The following SPTB variants were observed in gnomAD, a reference collection of about 807,000 sequenced individuals.
SPTB encodes spectrin beta, erythrocytic, also known as spectrin beta chain, erythrocytic.
Under a neutral mutation model 256.2 loss-of-function variants are expected in SPTB, and 45 were observed. The observed-to-expected ratio is 0.18, with a 90% confidence interval of 0.14 to 0.23. The LOEUF is 0.23. SPTB is among the 10% of genes least tolerant of loss of function. The probability of loss-of-function intolerance (pLI) is 1.00; values close to 1 mark genes in which losing one functional copy is unlikely to be tolerated. For synonymous variants in SPTB, 1,231 were observed against 1,243.1 expected, an observed-to-expected ratio of 0.99 and a Z score of 0.21; for missense variants, 2,715 against 3,040.4, an observed-to-expected ratio of 0.89 and a Z score of 2.52.
intron 1 of SPTB, among the ~76,000 whole-genome samples, chr14:64,848,989 C>G (rs185219758): frequency 2.7e-4 from 41 of 152,332 alleles, no homozygotes; most frequent in Middle Eastern, 3.4e-3. Context: ...TCATATGGAT[C>G]ATAATCCCTT....
intron 1 of SPTB, among the ~76,000 whole-genome samples, chr14:64,834,771 C>A (rs2083497568): frequency 6.8e-6 from 1 of 147,454 alleles, no homozygotes; most frequent in South Asian, 2.2e-4. Context: ...TTTGACTCAA[C>A]CCATGCCTCA....
intron 1 of SPTB, among the ~76,000 whole-genome samples, chr14:64,856,399 TA>T (rs2083873659): frequency 6.6e-6 from 1 of 152,182 alleles, no homozygotes; most frequent in Non-Finnish European, 1.5e-5. Context: ...TCCATGAGAC[TA>T]TCCACATTCT....
intron 2 of SPTB, among the ~76,000 whole-genome samples, chr14:64,812,275 T>C (rs952184142): frequency 6.6e-6 from 1 of 152,192 alleles, no homozygotes; most frequent in Non-Finnish European, 1.5e-5. Context: ...ATGTTTTTAT[T>C]TTCTTCCTTT....
rs779252475 is a variant in SPTB at position 64,778,341 on chromosome 14, G to A, written c.4563+816C>T. Among the ~76,000 whole-genome samples, 1 of 152,084 alleles carries A rather than the reference G, an allele frequency of 6.6e-6. No homozygotes were observed. Among genetic ancestry groups the A allele is most frequent in the Admixed American group, 6.5e-5 (1 of 15,272 alleles). On this transcript the variant is annotated intron_variant, in intron 22 of 35. Transcript: ENST00000644917. The surrounding 1 kb of genome is among the most constrained non-coding windows in gnomAD (Gnocchi z 5.2). The stretch of plus-strand genomic sequence containing the variant: ...TCCTCAAGGAGCTGCAATACTAACC[G>A]GGCACTCTGGGACATGTCACTTTTA...
In SPTB at chr14:64,759,880, G is replaced by A. The variant is rs1486014057; in HGVS notation, c.6346-6087C>T. Among the ~76,000 whole-genome samples the A allele has an allele frequency of 3.9e-5, 6 of 152,240 alleles. No individual in the cohort carries two copies. Among genetic ancestry groups the A allele is most frequent in the Admixed American group, 3.9e-4 (6 of 15,282 alleles). On this transcript the variant is annotated intron_variant, in intron 32 of 35. Transcript: ENST00000644917. The surrounding 1 kb of genome is among the most constrained non-coding windows in gnomAD (Gnocchi z 4.8). ...AAGGGAGTCTAGACCATAAATGGAG[G>A]TGAAGGAGAATTGCAGAGTGGGCTG... is the stretch of plus-strand genomic sequence containing the variant.
chr14:64,752,764 C>A lies in SPTB; in HGVS notation c.6602+773G>T, dbSNP rs575377798. The stretch of plus-strand genomic sequence containing the variant: ...GGAATTTGGAATCCCTTTCGTGAGT[C>A]CCCCAGACACATCCTGCATGCTCAT... On this transcript the variant is annotated intron_variant, in intron 33 of 35. Transcript: ENST00000644917. 1.4e-3 allele frequency among the ~76,000 whole-genome samples: 208 copies of A among 152,272 alleles called. 1 individual carries two copies. Among genetic ancestry groups the A allele is most frequent in the African/African-American group, 4.6e-3 (192 of 41,552 alleles).
At position 64,779,142 on chromosome 14, in the gene SPTB, T is replaced by C. The variant is rs1279293413; in HGVS notation, c.4563+15A>G. ...GGAGGGGTGGGTGGGGCTGGTGAGGTGACGCAGGACTCACCTGGTTCTTCT... is the reference window on the plus strand; with the variant it reads ...GGAGGGGTGGGTGGGGCTGGTGAGGCGACGCAGGACTCACCTGGTTCTTCT... On this transcript the variant is annotated intron_variant, in intron 22 of 35. Transcript: ENST00000644917. This position sits in a 1 kb window ranked among gnomAD's most constrained non-coding sequence, Gnocchi z 4.2. The C allele has an allele frequency of 6.2e-7, 1 of 1,610,462 alleles. No homozygotes were observed. Among genetic ancestry groups the C allele is most frequent in the African/African-American group, 1.3e-5 (1 of 74,630 alleles).
In SPTB at chr14:64,801,379, A is replaced by C. The variant is rs2082882598; in HGVS notation, c.669T>G (p.Asp223Glu). ...GCCGGGCATTGGAGTCCTTCAGCTT[A>C]TCAAAGTCGATCAGGTCGGGCCTGG... ...HKHRPDLIDF[D>E]KLKDSNARHN... Residue 223 changes from aspartate to glutamate, a missense_variant, in exon 7 of 36, where the codon GAT becomes GAG. By Grantham distance (45) the Asp-to-Glu change is conservative. Around this residue, in one of 4 missense-constraint regions of SPTB, gnomAD observed 416 missense variants for 571.1 expected, o/e 0.73. Coordinates refer to ENST00000644917, the MANE Select transcript of SPTB (RefSeq NM_001355436.2). The C allele has an allele frequency of 6.2e-7, 1 of 1,614,202 alleles. No individual in the cohort carries two copies. Among genetic ancestry groups the C allele is most frequent in the African/African-American group, 1.3e-5 (1 of 75,068 alleles).
intron 1 of SPTB, among the ~76,000 whole-genome samples, chr14:64,878,910 G>A (rs1409884306): frequency 2.0e-5 from 3 of 152,162 alleles, no homozygotes; most frequent in Non-Finnish European, 4.4e-5. Flanking sequence ...TTAATAGGCT[G>A]TAACTCAAGG....
At chr14:64,794,705 T>C in intron 12 of SPTB, 88 bp from the exon 13 acceptor site, 2 of 1,564,482 alleles carry the variant, frequency 1.3e-6, no homozygotes, top group Admixed American at 3.4e-5. Flanking sequence ...GGCATGTCTC[T>C]AGTAATCTGA....
intron 2 of SPTB, among the ~76,000 whole-genome samples, chr14:64,820,796 G>A (rs1157261476): frequency 6.6e-6 from 1 of 152,048 alleles, no homozygotes; most frequent in Non-Finnish European, 1.5e-5. Context: ...TCAGCTTCTT[G>A]AGTAGCTGGG....
Position 64,769,577 on chromosome 14 carries a change from G to A in SPTB, c.5937+13C>T, listed in dbSNP as rs749990745. 1 of 1,613,636 alleles carries A rather than the reference G, an allele frequency of 6.2e-7. No homozygotes were observed. Among genetic ancestry groups the A allele is most frequent in the Non-Finnish European group, 8.5e-7 (1 of 1,179,990 alleles). On this transcript the variant is annotated intron_variant, in intron 28 of 35. Coordinates refer to ENST00000644917, the MANE Select transcript of SPTB (RefSeq NM_001355436.2). ...GACGGAGGAGCTCGCCTCCATCCTTGCAGTCCCCTCACCTCCTCTGAGGCC... is the reference window on the plus strand; with the variant it reads ...GACGGAGGAGCTCGCCTCCATCCTTACAGTCCCCTCACCTCCTCTGAGGCC...
At chr14:64,767,591 G>A (rs1292949225) in intron 30 of SPTB, 72 bp downstream of exon 30, 1 of 1,576,990 alleles carries the variant, frequency 6.3e-7, no homozygotes, top group East Asian at 2.2e-5. Context: ...AACTGGCCTG[G>A]AGTCCTTACA....
chr14:64,829,623 A>T (rs1400994494), intron 1 of SPTB, among the ~76,000 whole-genome samples: 1 of 152,220 alleles, frequency 6.6e-6, no homozygotes, highest in East Asian at 1.9e-4. Context: ...GCTTCAGCAA[A>T]ATAAGAAGCA....
In SPTB at chr14:64,852,526, T is replaced by C. The variant is rs944408054; in HGVS notation, c.-52+27266A>G. On this transcript the variant is annotated intron_variant, in intron 1 of 35. Transcript: ENST00000644917. This position sits in a 1 kb window ranked among gnomAD's most constrained non-coding sequence, Gnocchi z 4.2. ...ACAAGATTACAGGCAGGGAACTGATTAGGATGTCACTGCAGTAACTGAGAC... is the reference window on the plus strand; with the variant it reads ...ACAAGATTACAGGCAGGGAACTGATCAGGATGTCACTGCAGTAACTGAGAC... Among the ~76,000 whole-genome samples, 6 of 152,098 alleles carry C rather than the reference T, an allele frequency of 3.9e-5. No homozygotes were observed. Among genetic ancestry groups the C allele is most frequent in the African/African-American group, 1.2e-4 (5 of 41,402 alleles).
intron 15 of SPTB, 31 bp downstream of exon 15, chr14:64,791,688 G>GCC (rs764585050): frequency 6.2e-7 from 1 of 1,609,566 alleles, no homozygotes; most frequent in Non-Finnish European, 8.5e-7. Flanking sequence ...GAGAGACAAT[G>GCC]CCCCCGCCCC....
At chr14:64,813,294 T>G (rs1012150473) in intron 2 of SPTB, among the ~76,000 whole-genome samples, 31 of 152,296 alleles carry the variant, frequency 2.0e-4, no homozygotes, top group African/African-American at 7.5e-4. Flanking sequence ...GAAGTCTGCA[T>G]TTTCAGTCGC....
In SPTB at chr14:64,760,794, A is replaced by G. The variant is rs1264794816; in HGVS notation, c.6345+5932T>C. On this transcript the variant is annotated intron_variant, in intron 32 of 35. Transcript: ENST00000644917. This position sits in a 1 kb window ranked among gnomAD's most constrained non-coding sequence, Gnocchi z 4.3. ...TACTGTTATTACACCTGTGTTACAA[A>G]TGAGGGAAACTGGGGGTCGTACAGA... Among the ~76,000 whole-genome samples the G allele has an allele frequency of 6.6e-6, 1 of 152,186 alleles. No homozygotes were observed. Among genetic ancestry groups the G allele is most frequent in the Admixed American group, 6.5e-5 (1 of 15,282 alleles).
In SPTB at chr14:64,841,160, C is replaced by T. The variant is rs1030377731; in HGVS notation, c.-51-18015G>A. Among the ~76,000 whole-genome samples the T allele has an allele frequency of 1.3e-5, 2 of 152,170 alleles. No individual in the cohort carries two copies. Among genetic ancestry groups the T allele is most frequent in the Non-Finnish European group, 2.9e-5 (2 of 68,034 alleles). ...TGACTCCTCAGAACAACGCTGAGTA[C>T]AAGCCACTCTCCTTATCCCCATTTT... is the stretch of plus-strand genomic sequence containing the variant. On this transcript the variant is annotated intron_variant, in intron 1 of 35. Coordinates refer to ENST00000644917, the MANE Select transcript of SPTB (RefSeq NM_001355436.2). The surrounding 1 kb of genome is among the most constrained non-coding windows in gnomAD (Gnocchi z 4.6).
Sources: allele counts gnomAD v4.1 joint callset (sites outside exome capture counted in the v4.1 genomes callset), GRCh38; gene constraint gnomAD v4.1.1; regional missense constraint gnomAD v4.1.1; non-coding constraint Gnocchi (gnomAD v3.1); transcripts MANE v1.5; gene names NCBI Gene and HGNC (gene_info 2026-07-23, HGNC 2026-07-21).